The following PPFIBP2 variants were observed in gnomAD, a reference collection of about 807,000 sequenced individuals.
PPFIBP2 encodes PPFIB scaffold protein 2.
A neutral mutation model predicts 118.3 loss-of-function variants in PPFIBP2; 118 were observed. That is an observed-to-expected ratio of 1.00 (90% CI 0.86 to 1.16). The LOEUF (loss-of-function observed/expected upper bound fraction) is 1.16. Among genes scored for constraint, PPFIBP2 ranks in the 50% most tolerant of loss-of-function variants. PPFIBP2 has a pLI of 0.00. For missense variants in PPFIBP2, 1,195 were observed against 1,073.1 expected (o/e 1.11, Z -1.59); for synonymous variants, 414 against 397.4 (o/e 1.04, Z -0.50).
chr11:7,648,481 C>T lies in PPFIBP2; in HGVS notation c.1741C>T (p.Gln581Ter). The T allele has an allele frequency of 6.2e-7, 1 of 1,614,058 alleles. No homozygotes were observed. Among genetic ancestry groups the T allele is most frequent in the Non-Finnish European group, 8.5e-7 (1 of 1,180,018 alleles). Residue 581 changes from glutamine (Q) to a stop codon, truncating the protein, a stop_gained, in exon 18 of 24, where the codon CAG (glutamine) becomes TAG (stop). Transcript: ENST00000299492. LOFTEE classifies it high-confidence loss of function. The part of the protein sequence containing the change: ...GLAQYVIFAR[Q>*]WVSSGHTLLT... ...GGCTCAGTATGTGATCTTTGCCAGG[C>T]AGTGGGTATCTTCTGGCCACACCTT...
chr11:7,635,893 C>T (rs146704803), intron 14 of PPFIBP2, among the ~76,000 whole-genome samples: 23 of 152,176 alleles, frequency 1.5e-4, no homozygotes, highest in African/African-American at 5.3e-4. Context: ...GGGATTGCTA[C>T]GATCTCAGCA....
At chr11:7,650,462 A>T (rs1853813935) in intron 21 of PPFIBP2, among the ~76,000 whole-genome samples, 1 of 152,230 alleles carries the variant, frequency 6.6e-6, no homozygotes, top group Non-Finnish European at 1.5e-5. Flanking sequence ...ATCATTGGCC[A>T]CACCAGGGAG....
intron 3 of PPFIBP2, among the ~76,000 whole-genome samples, chr11:7,570,823 T>A (rs556924150): frequency 6.6e-6 from 1 of 152,278 alleles, no homozygotes; most frequent in South Asian, 2.1e-4. Flanking sequence ...TTCACTTCTG[T>A]GGGACTCAGT....
intron 5 of PPFIBP2, 102 bp downstream of exon 5, chr11:7,597,775 C>A: frequency 1.0e-6 from 1 of 987,482 alleles, no homozygotes; most frequent in Non-Finnish European, 1.6e-6. Flanking sequence ...GCTTTCCCAT[C>A]CTGCCTGGGG....
At chr11:7,553,881 T>A (rs557035577) in intron 2 of PPFIBP2, among the ~76,000 whole-genome samples, 2 of 152,338 alleles carry the variant, frequency 1.3e-5, no homozygotes, top group South Asian at 4.1e-4. Context: ...TGGGGCTGTC[T>A]GTAGGAGAAA....
intron 5 of PPFIBP2, chr11:7,605,973 A>G: frequency 6.5e-7 from 1 of 1,535,424 alleles, no homozygotes; most frequent in African/African-American, 1.4e-5. Context: ...GAAAGTTAAT[A>G]ACAAGGATGT....
Position 7,616,692 on chromosome 11 carries a change from A to G in PPFIBP2, c.619-4243A>G, listed in dbSNP as rs1043350693. 5.9e-5 allele frequency among the ~76,000 whole-genome samples: 9 copies of G among 152,092 alleles called. No homozygotes were observed. Among genetic ancestry groups the G allele is most frequent in the Non-Finnish European group, 1.3e-4 (9 of 68,028 alleles). On this transcript the variant is annotated intron_variant, in intron 6 of 23. Transcript: ENST00000299492. The surrounding 1 kb of genome is among the most constrained non-coding windows in gnomAD (Gnocchi z 5.2). ...TGTGTGCCATATGTCCCCTGTGCATAGGTGCTGACACGTTGGGTGTTTGGG... is the reference window on the plus strand; with the variant it reads ...TGTGTGCCATATGTCCCCTGTGCATGGGTGCTGACACGTTGGGTGTTTGGG...
intron 14 of PPFIBP2, 68 bp from the exon 15 acceptor site, chr11:7,639,664 T>A: frequency 1.0e-5 from 16 of 1,602,884 alleles, no homozygotes; most frequent in Non-Finnish European, 1.3e-5. Flanking sequence ...TTGTTCTGTA[T>A]CCAAGGATTT....
intron 3 of PPFIBP2, among the ~76,000 whole-genome samples, chr11:7,589,591 C>G (rs543472751): frequency 1.3e-5 from 2 of 148,908 alleles, no homozygotes; most frequent in African/African-American, 5.0e-5. Flanking sequence ...GACTCTGTCT[C>G]AAAAAGAACA....
chr11:7,560,839 A>G (rs1362128930), intron 2 of PPFIBP2, among the ~76,000 whole-genome samples: 1 of 152,256 alleles, frequency 6.6e-6, no homozygotes, highest in African/African-American at 2.4e-5. Flanking sequence ...CAATTTACGT[A>G]GGTGAAAATT....
At chr11:7,537,943 C>A (rs887770963) in intron 1 of PPFIBP2, among the ~76,000 whole-genome samples, 3 of 130,098 alleles carry the variant, frequency 2.3e-5, no homozygotes, top group African/African-American at 9.4e-5. Flanking sequence ...GGCTGGTTTA[C>A]CCTAATCAGT....
intron 3 of PPFIBP2, among the ~76,000 whole-genome samples, chr11:7,570,458 G>T (rs376380957): frequency 4.6e-5 from 7 of 152,314 alleles, no homozygotes; most frequent in African/African-American, 9.6e-5. Flanking sequence ...TTGGGTATGG[G>T]CCAAGGAGAT....
At chr11:7,565,295 C>T (rs79597303) in intron 2 of PPFIBP2, among the ~76,000 whole-genome samples, 4,783 of 152,290 alleles carry the variant, frequency 0.031, 194 homozygotes, top group South Asian at 0.1. Flanking sequence ...GGGTCTCACT[C>T]TGTTGCCCAG....
chr11:7,514,828 A>G (rs1327903581), intron 1 of PPFIBP2, among the ~76,000 whole-genome samples: 1 of 152,258 alleles, frequency 6.6e-6, no homozygotes, highest in Non-Finnish European at 1.5e-5. Flanking sequence ...CATTCTTGCC[A>G]GTGTTTAATC....
At chr11:7,588,868 G>C (rs572155963) in intron 3 of PPFIBP2, among the ~76,000 whole-genome samples, 2 of 152,332 alleles carry the variant, frequency 1.3e-5, no homozygotes, top group East Asian at 3.9e-4. Flanking sequence ...AGGAGAGGTA[G>C]TATGTTTCAC....
intron 2 of PPFIBP2, among the ~76,000 whole-genome samples, chr11:7,563,415 C>T (rs181458278): frequency 6.8e-4 from 103 of 152,300 alleles, no homozygotes; most frequent in African/African-American, 2.2e-3. Flanking sequence ...GGTAATTGGG[C>T]AGTTTCCTGG....
intron 20 of PPFIBP2, 79 bp downstream of exon 20, chr11:7,649,314 C>T: frequency 7.2e-7 from 1 of 1,381,044 alleles, no homozygotes; most frequent in Non-Finnish European, 1.0e-6. Flanking sequence ...TTATTTTAAA[C>T]TTGATTCCAT....
chr11:7,666,374 AAGAGAC>A, the PPFIBP2 span: 2 of 932,602 alleles, frequency 2.1e-6, no homozygotes, highest in South Asian at 1.4e-5. Flanking sequence ...AAACAAAACA[AAGAGAC>A]AGAGACCAGT....
intron 1 of PPFIBP2, among the ~76,000 whole-genome samples, chr11:7,518,393 A>G (rs991174939): frequency 3.3e-5 from 5 of 152,112 alleles, no homozygotes; most frequent in Non-Finnish European, 7.4e-5. Context: ...GAAGTTTTTC[A>G]TAGTTTACCA....
Sources: gnomAD v4.1 joint callset for allele counts (sites outside exome capture counted in the v4.1 genomes callset) on GRCh38, gnomAD v4.1.1 for gene constraint, Gnocchi (gnomAD v3.1) non-coding constraint, MANE v1.5 for transcripts, NCBI Gene and HGNC (gene_info 2026-07-23, HGNC 2026-07-21) for gene names.